The following ERBB4 variants were observed in gnomAD, a reference collection of about 807,000 sequenced individuals.
The protein encoded by ERBB4 is receptor tyrosine-protein kinase erbB-4.
In ERBB4, 42 loss-of-function variants were observed where a neutral mutation model predicts 158.0. The observed-to-expected ratio is 0.27, with a 90% CI of 0.21 to 0.34. The LOEUF (loss-of-function observed/expected upper bound fraction) is 0.34. Among genes scored for constraint, ERBB4 ranks in the 10% least tolerant of loss-of-function variants. The pLI is 1.00. For missense variants in ERBB4, 1,333 were observed against 1,624.1 expected (o/e 0.82, Z 3.08); for synonymous variants, 583 against 558.7 (o/e 1.04, Z -0.61).
At chr2:211,551,588 T>A (rs1456542165) in intron 20 of ERBB4, among the ~76,000 whole-genome samples, 6 of 152,126 alleles carry the variant, frequency 3.9e-5, no homozygotes, top group Non-Finnish European at 8.8e-5. Context: ...CTGAATATAT[T>A]AATAAGTGCC....
In ERBB4 at chr2:211,436,584, T is replaced by C. The variant is rs151216892; in HGVS notation, c.2488-5484A>G. ...TGTAGAACATGAAAACCTTTATTAC[T>C]GCTCCATGGATAGCTATCAACAATC... On this transcript the variant is annotated intron_variant, in intron 20 of 27. Coordinates refer to ENST00000342788, the MANE Select transcript of ERBB4 (RefSeq NM_005235.3). Among the ~76,000 whole-genome samples the C allele has an allele frequency of 4.4e-4, 67 of 152,306 alleles. 1 individual carries two copies. In the East Asian group the frequency reaches 0.013, roughly 29 times the overall value.
At chr2:212,512,846 T>C (rs1691602235) in intron 1 of ERBB4, among the ~76,000 whole-genome samples, 1 of 152,182 alleles carries the variant, frequency 6.6e-6, no homozygotes, top group African/African-American at 2.4e-5. Flanking sequence ...TAGCAGAACA[T>C]GAAAGTTCCC....
chr2:212,216,988 C>G (rs1559767532), intron 1 of ERBB4, among the ~76,000 whole-genome samples: 1 of 151,510 alleles, frequency 6.6e-6, no homozygotes, highest in East Asian at 1.9e-4. Context: ...ATATCCTTCA[C>G]ATGTATGTGT....
At chr2:211,889,163 A>G (rs1452230117) in intron 3 of ERBB4, among the ~76,000 whole-genome samples, 1 of 143,650 alleles carries the variant, frequency 7.0e-6, no homozygotes, top group Non-Finnish European at 1.5e-5. Context: ...GACAGCTTTG[A>G]AGAGAGCAGT....
At chr2:211,677,527 C>T (rs1479446860) in intron 13 of ERBB4, among the ~76,000 whole-genome samples, 3 of 149,952 alleles carry the variant, frequency 2.0e-5, no homozygotes, top group Non-Finnish European at 4.4e-5. Flanking sequence ...CAGGCCATTG[C>T]ACTCCAGCCT....
chr2:211,639,868 C>G (rs1056343663), intron 16 of ERBB4, among the ~76,000 whole-genome samples: 1 of 151,342 alleles, frequency 6.6e-6, no homozygotes, highest in African/African-American at 2.4e-5. Context: ...ATTACAGGCA[C>G]CCCCCCACCA....
At chr2:211,552,952 T>C (rs1215662567) in intron 20 of ERBB4, among the ~76,000 whole-genome samples, 1 of 150,662 alleles carries the variant, frequency 6.6e-6, no homozygotes, top group Non-Finnish European at 1.5e-5. Context: ...TTTCACATGT[T>C]TTCAATATTA....
intron 18 of ERBB4, among the ~76,000 whole-genome samples, chr2:211,623,598 A>G (rs2069720335): frequency 6.6e-6 from 1 of 152,064 alleles, no homozygotes; most frequent in Non-Finnish European, 1.5e-5. Context: ...GTAATGGCAA[A>G]TGGGTTGGGG....
At chr2:211,978,384 G>GTCTATCTA (rs1452551932) in intron 2 of ERBB4, among the ~76,000 whole-genome samples, 1 of 121,940 alleles carries the variant, frequency 8.2e-6, no homozygotes, top group Admixed American at 8.1e-5. Context: ...CTGTCTGTCT[G>GTCTATCTA]TCTGTCTGTC....
At chr2:211,387,859 A>C in intron 26 of ERBB4, 86 bp downstream of exon 26, 1 of 1,059,430 alleles carries the variant, frequency 9.4e-7, no homozygotes, top group East Asian at 2.4e-5. Flanking sequence ...AGGCAAAATG[A>C]GGAAATTATG....
At chr2:211,592,855 C>CA (rs2068517060) in intron 19 of ERBB4, among the ~76,000 whole-genome samples, 1 of 151,892 alleles carries the variant, frequency 6.6e-6, no homozygotes, top group African/African-American at 2.4e-5. Context: ...ACTAAAAATA[C>CA]AAAAAATTAG....
At chr2:212,421,466 C>G (rs1050881006) in intron 1 of ERBB4, among the ~76,000 whole-genome samples, 10 of 152,040 alleles carry the variant, frequency 6.6e-5, no homozygotes, top group Non-Finnish European at 1.3e-4. Flanking sequence ...GTCATCTAGT[C>G]TTGTTTTCTA....
chr2:212,411,384 C>A (rs1348604727), intron 1 of ERBB4, among the ~76,000 whole-genome samples: 1 of 151,986 alleles, frequency 6.6e-6, no homozygotes, highest in Non-Finnish European at 1.5e-5. Context: ...TAAAACCTAA[C>A]CTAAAGTTAG....
intron 25 of ERBB4, among the ~76,000 whole-genome samples, chr2:211,391,324 G>A: frequency 6.6e-6 from 1 of 152,266 alleles, no homozygotes; most frequent in African/African-American, 2.4e-5. Context: ...CTTAAAGTTC[G>A]AAGCAGAACA....
At chr2:212,235,987 G>A (rs995420131) in intron 1 of ERBB4, among the ~76,000 whole-genome samples, 1 of 152,178 alleles carries the variant, frequency 6.6e-6, no homozygotes, top group Non-Finnish European at 1.5e-5. Flanking sequence ...GCCCTAGCCA[G>A]AACTTCCAGT....
intron 20 of ERBB4, among the ~76,000 whole-genome samples, chr2:211,481,969 T>C (rs1267819951): frequency 6.6e-6 from 1 of 152,034 alleles, no homozygotes; most frequent in African/African-American, 2.4e-5. Context: ...AGCCACAAGA[T>C]TGCTCCAGCT....
intron 1 of ERBB4, among the ~76,000 whole-genome samples, chr2:212,286,597 T>TTTTTTTTTTTTGTTTG (rs2085975041): frequency 4.5e-5 from 1 of 22,432 alleles, no homozygotes; most frequent in African/African-American, 1.4e-4. Context: ...GTGCTGACTT[T>TTTTTTTTTTTTGTTTG]TTTTTTTTTT....
intron 16 of ERBB4, 169 bp downstream of exon 16, chr2:211,657,585 A>G: frequency 1.5e-6 from 1 of 657,970 alleles, no homozygotes; most frequent in African/African-American, 1.8e-5. Flanking sequence ...AAAAGAAGTA[A>G]GAAAGTTGGC....
chr2:212,511,202 C>G (rs141632078), intron 1 of ERBB4, among the ~76,000 whole-genome samples: 1 of 152,128 alleles, frequency 6.6e-6, no homozygotes, highest in African/African-American at 2.4e-5. Context: ...TCTTGTCTTA[C>G]CTCATTTTAG....
Sources: gnomAD v4.1 joint callset for allele counts (sites outside exome capture counted in the v4.1 genomes callset) on GRCh38, gnomAD v4.1.1 for gene constraint, MANE v1.5 for transcripts, NCBI Gene and HGNC (gene_info 2026-07-23, HGNC 2026-07-21) for gene names.